The following JMJD1C variants were observed in gnomAD, a reference collection of about 807,000 sequenced individuals.
JMJD1C encodes the protein jumonji domain containing 1C, also known as jumonji domain-containing protein 1C.
Under a neutral mutation model 245.3 loss-of-function variants are expected in JMJD1C, and 31 were observed. The observed-to-expected ratio is 0.13, with a 90% CI of 0.09 to 0.17. JMJD1C has a LOEUF of 0.17. JMJD1C is among the 10% of genes least tolerant of loss of function. JMJD1C has a pLI of 1.00. For synonymous variants in JMJD1C, 1,057 were observed against 1,017.4 expected (o/e 1.04, Z -0.74); for missense variants, 2,691 against 3,000.2 (o/e 0.90, Z 2.41).
Position 63,193,263 on chromosome 10 carries a change from C to T in JMJD1C, c.5862+82G>A, listed in dbSNP as rs1268136881. 9 of 1,492,444 alleles carry T rather than the reference C, an allele frequency of 6.0e-6. No individual in the cohort carries two copies. The East Asian group carries it at 6.8e-5, about 11-fold the overall frequency. The allele number at this position is 1,492,444 out of a possible 1,614,324, so 92.5% of individuals were successfully genotyped here. A position where few individuals can be genotyped will look rare whatever the true frequency, so the allele number is the denominator to read the frequency against. ...CAGCAAACCTAATTCATACATAAGT[C>T]CTAAACCAAATTTCAAATAAATATC... On this transcript the variant is annotated intron_variant, in intron 15 of 25. Transcript: ENST00000399262.
intron 1 of JMJD1C, among the ~76,000 whole-genome samples, chr10:63,441,436 C>T (rs1389667481): frequency 6.6e-6 from 1 of 152,174 alleles, no homozygotes; most frequent in African/African-American, 2.4e-5. Context: ...AATGAACTTA[C>T]AAAGTTTCCA....
intron 2 of JMJD1C, among the ~76,000 whole-genome samples, chr10:63,310,975 T>C: frequency 6.6e-6 from 1 of 152,058 alleles, no homozygotes; most frequent in East Asian, 1.9e-4. Flanking sequence ...GATAAAGATG[T>C]TACAAAATAG....
chr10:63,376,036 T>C (rs551109949), intron 2 of JMJD1C, among the ~76,000 whole-genome samples: 39 of 152,294 alleles, frequency 2.6e-4, no homozygotes, highest in African/African-American at 7.7e-4. Context: ...GATTTCACAA[T>C]GTACTACAAA....
At chr10:63,185,478 C>G in intron 20 of JMJD1C, 85 bp downstream of exon 20, 1 of 791,338 alleles carries the variant, frequency 1.3e-6, no homozygotes. Context: ...GCCTACAGGT[C>G]ACATTTACGG....
At chr10:63,454,107 C>T (rs1293279909) in intron 1 of JMJD1C, among the ~76,000 whole-genome samples, 2 of 152,134 alleles carry the variant, frequency 1.3e-5, no homozygotes, top group Non-Finnish European at 2.9e-5. Flanking sequence ...ATGGTTACTA[C>T]AGAATAGCTG....
At chr10:63,231,361 C>T (rs934829592) in intron 3 of JMJD1C, among the ~76,000 whole-genome samples, 18 of 152,194 alleles carry the variant, frequency 1.2e-4, no homozygotes, top group African/African-American at 3.9e-4. Flanking sequence ...TGACTTACTG[C>T]AATTAGCCTG....
chr10:63,414,203 G>A (rs1253731484), intron 1 of JMJD1C, among the ~76,000 whole-genome samples: 2 of 151,958 alleles, frequency 1.3e-5, no homozygotes, highest in African/African-American at 4.8e-5. Flanking sequence ...AACCAGGATG[G>A]TCTCGATCTC....
At chr10:63,422,800 G>T (rs1158436047) in intron 1 of JMJD1C, among the ~76,000 whole-genome samples, 2 of 152,128 alleles carry the variant, frequency 1.3e-5, no homozygotes, top group Non-Finnish European at 2.9e-5. Context: ...CCATACTAAC[G>T]AGAGGGCAGT....
At chr10:63,182,442 A>G (rs955986053) in intron 22 of JMJD1C, among the ~76,000 whole-genome samples, 1 of 152,228 alleles carries the variant, frequency 6.6e-6, no homozygotes, top group Non-Finnish European at 1.5e-5. Flanking sequence ...CCAGTATGGA[A>G]TAAGACTGCA....
At chr10:63,496,824 T>C (rs576990076) in intron 1 of JMJD1C, among the ~76,000 whole-genome samples, 3 of 152,224 alleles carry the variant, frequency 2.0e-5, no homozygotes, top group Admixed American at 6.5e-5. Flanking sequence ...ACGTGACATA[T>C]GTCAGTTCTG....
At chr10:63,304,536 CTT>C (rs1353838311) in intron 2 of JMJD1C, among the ~76,000 whole-genome samples, 7 of 152,282 alleles carry the variant, frequency 4.6e-5, no homozygotes, top group African/African-American at 1.4e-4. Flanking sequence ...TTAATAAACT[CTT>C]GTTTTTTGGG....
intron 3 of JMJD1C, among the ~76,000 whole-genome samples, chr10:63,245,868 C>G (rs1316347775): frequency 6.6e-6 from 1 of 152,182 alleles, no homozygotes; most frequent in Non-Finnish European, 1.5e-5. Context: ...TCAATCACCT[C>G]CCACTGGGAC....
intron 2 of JMJD1C, among the ~76,000 whole-genome samples, chr10:63,292,545 A>T (rs1858903294): frequency 6.6e-6 from 1 of 152,056 alleles, no homozygotes; most frequent in African/African-American, 2.4e-5. Context: ...CGGGAAGCAG[A>T]GGTTGCAACG....
intron 1 of JMJD1C, among the ~76,000 whole-genome samples, chr10:63,483,394 A>AT (rs1953887998): frequency 6.6e-6 from 1 of 152,212 alleles, no homozygotes; most frequent in African/African-American, 2.4e-5. Flanking sequence ...TTTAGGAAAC[A>AT]TAAGTTTTGG....
At chr10:63,408,514 AC>A (rs1949302114) in intron 1 of JMJD1C, among the ~76,000 whole-genome samples, 2 of 152,090 alleles carry the variant, frequency 1.3e-5, no homozygotes, top group East Asian at 3.9e-4. Context: ...AAGATCAAAA[AC>A]CAGAACAACA....
At chr10:63,170,992 A>G (rs888432399) in intron 24 of JMJD1C, among the ~76,000 whole-genome samples, 4 of 152,186 alleles carry the variant, frequency 2.6e-5, no homozygotes, top group African/African-American at 9.7e-5. Flanking sequence ...TATTATATTG[A>G]CACTGTGATT....
intron 5 of JMJD1C, among the ~76,000 whole-genome samples, chr10:63,216,343 C>A (rs1847973461): frequency 6.6e-6 from 1 of 151,976 alleles, no homozygotes; most frequent in African/African-American, 2.4e-5. Flanking sequence ...TAAACAACAG[C>A]TTTAAAAATG....
intron 1 of JMJD1C, among the ~76,000 whole-genome samples, chr10:63,453,481 T>C (rs996607999): frequency 1.3e-5 from 2 of 152,176 alleles, no homozygotes; most frequent in African/African-American, 4.8e-5. Context: ...ATATAACAGA[T>C]AGTCCACAAA....
At chr10:63,290,163 A>G (rs890545598) in intron 2 of JMJD1C, among the ~76,000 whole-genome samples, 1 of 152,218 alleles carries the variant, frequency 6.6e-6, no homozygotes, top group Non-Finnish European at 1.5e-5. Flanking sequence ...AGGAAGGTCT[A>G]AACTTTTATA....
Sources: allele counts gnomAD v4.1 joint callset (sites outside exome capture counted in the v4.1 genomes callset), GRCh38; gene constraint gnomAD v4.1.1; transcripts MANE v1.5; gene names NCBI Gene and HGNC (gene_info 2026-07-23, HGNC 2026-07-21).